The following OSBPL1A variants were observed in gnomAD, a reference collection of about 807,000 sequenced individuals.
OSBPL1A encodes the protein oxysterol-binding protein-related protein 1.
In OSBPL1A, 80 loss-of-function variants were observed where a neutral mutation model predicts 137.1. That is an observed-to-expected ratio of 0.58 (90% CI 0.49 to 0.70). OSBPL1A has a LOEUF of 0.70. Ranked by LOEUF, OSBPL1A falls within the 30% of genes least tolerant of loss-of-function variation. OSBPL1A has a pLI of 0.00. For synonymous variants in OSBPL1A, 365 were observed against 389.7 expected, an observed-to-expected ratio of 0.94 and a Z score of 0.75; for missense variants, 970 against 1,129.4, an observed-to-expected ratio of 0.86 and a Z score of 2.02.
intron 7 of OSBPL1A, among the ~76,000 whole-genome samples, chr18:24,322,089 T>G (rs868207912): frequency 3.4e-5 from 5 of 148,230 alleles, no homozygotes; most frequent in Admixed American, 1.4e-4. Context: ...ATTTTTAACA[T>G]AGAGAGAAAT....
chr18:24,389,450 G>A (rs936076643), intron 1 of OSBPL1A, among the ~76,000 whole-genome samples: 6 of 152,088 alleles, frequency 3.9e-5, no homozygotes, highest in African/African-American at 1.2e-4. Context: ...TTAAACTGGT[G>A]ACCATACTTG....
At chr18:24,218,552 T>G (rs2087781319) in intron 17 of OSBPL1A, 2 of 152,444 alleles carry the variant, frequency 1.3e-5, no homozygotes, top group Admixed American at 1.3e-4. Context: ...CAAGCGATTC[T>G]CCCACCTCAG....
intron 25 of OSBPL1A, 86 bp from the exon 26 acceptor site, chr18:24,166,788 G>C: frequency 7.5e-7 from 1 of 1,325,858 alleles, no homozygotes; most frequent in South Asian, 1.4e-5. Flanking sequence ...GGGTTGACTT[G>C]ACAATGACCC....
intron 5 of OSBPL1A, among the ~76,000 whole-genome samples, chr18:24,339,937 G>A (rs2091245640): frequency 6.6e-6 from 1 of 152,082 alleles, no homozygotes; most frequent in Non-Finnish European, 1.5e-5. Flanking sequence ...ACTAATCGGG[G>A]TAATAAACAG....
chr18:24,187,933 A>AT lies in OSBPL1A; in HGVS notation c.1678-6655dup, dbSNP rs1198509887. Among the ~76,000 whole-genome samples, 4 of 152,332 alleles carry AT rather than the reference A, an allele frequency of 2.6e-5. No individual in the cohort carries two copies. In the East Asian group the frequency reaches 7.7e-4, roughly 29 times the overall value. On this transcript the variant is annotated intron_variant, in intron 18 of 27. Coordinates refer to ENST00000319481, the MANE Select transcript of OSBPL1A (RefSeq NM_080597.4). ...GCCAGTAGGTGACACAGGCTATGCC[A>AT]TTTCTGGCTCAGCTCCCTTCCTGTT...
chr18:24,271,148 C>T lies in OSBPL1A; in HGVS notation c.1281+9694G>A, dbSNP rs2089708284. ...AGAATTTCCCTTTCTCTCCTTAATC[C>T]GCTCATGCACTTCTCGTATTCTTGG... is the stretch of plus-strand genomic sequence containing the variant. On this transcript the variant is annotated intron_variant, in intron 15 of 27. Coordinates refer to ENST00000319481, the MANE Select transcript of OSBPL1A (RefSeq NM_080597.4). This position sits in a 1 kb window ranked among gnomAD's most constrained non-coding sequence, Gnocchi z 4.0. Among the ~76,000 whole-genome samples, 1 of 152,212 alleles carries T rather than the reference C, an allele frequency of 6.6e-6. No individual in the cohort carries two copies. Among genetic ancestry groups the T allele is most frequent in the Non-Finnish European group, 1.5e-5 (1 of 68,042 alleles).
At chr18:24,390,694 CAAAAAAA>C (rs751432894) in intron 1 of OSBPL1A, among the ~76,000 whole-genome samples, 42 of 56,198 alleles carry the variant, frequency 7.5e-4, no homozygotes, top group African/African-American at 2.0e-3. Context: ...GACTCCGTCT[CAAAAAAA>C]AAAAAAAAAA....
intron 3 of OSBPL1A, chr18:24,367,469 C>T (rs1368734838): frequency 1.4e-5 from 2 of 146,968 alleles, no homozygotes; most frequent in African/African-American, 2.5e-5. Context: ...TGGTGAAAGT[C>T]CGTCTCTACA....
intron 4 of OSBPL1A, among the ~76,000 whole-genome samples, chr18:24,349,989 A>G (rs931372519): frequency 2.6e-5 from 4 of 152,244 alleles, no homozygotes; most frequent in Non-Finnish European, 5.9e-5. Context: ...CAGGTTTAAA[A>G]GTCTAAAGGT....
At chr18:24,393,516 G>A (rs1373573816) in intron 1 of OSBPL1A, among the ~76,000 whole-genome samples, 6 of 151,988 alleles carry the variant, frequency 3.9e-5, no homozygotes, top group African/African-American at 9.7e-5. Flanking sequence ...GCAGTGGCAC[G>A]ATCTCCGCTC....
intron 17 of OSBPL1A, 91 bp downstream of exon 17, chr18:24,224,950 GA>G: frequency 2.0e-6 from 3 of 1,520,170 alleles, no homozygotes; most frequent in Non-Finnish European, 2.7e-6. Flanking sequence ...CCTACACGGG[GA>G]AAAATGAAGA....
intron 24 of OSBPL1A, among the ~76,000 whole-genome samples, chr18:24,167,666 T>C (rs542252351): frequency 6.6e-6 from 1 of 152,336 alleles, no homozygotes; most frequent in African/African-American, 2.4e-5. Context: ...GTTAGGACTT[T>C]TGGCTTTCCA....
rs530811230 is a variant in OSBPL1A at position 24,342,435 on chromosome 18, G to T, written c.283-777C>A. Among the ~76,000 whole-genome samples, 4 of 152,274 alleles carry T rather than the reference G, an allele frequency of 2.6e-5. No homozygotes were observed. In the South Asian group the frequency reaches 8.3e-4, roughly 32 times the overall value. On this transcript the variant is annotated intron_variant, in intron 4 of 27. Coordinates refer to ENST00000319481, the MANE Select transcript of OSBPL1A (RefSeq NM_080597.4). ...TATGATACACAACACCTAGGGAGGG[G>T]ATGATGGCAATGCTTGCTCTTCAGT...
At chr18:24,204,031 C>T (rs777883659) in intron 17 of OSBPL1A, among the ~76,000 whole-genome samples, 2 of 152,152 alleles carry the variant, frequency 1.3e-5, no homozygotes, top group Non-Finnish European at 2.9e-5. Context: ...AATCTGATGC[C>T]TTCATTTTAA....
intron 16 of OSBPL1A, among the ~76,000 whole-genome samples, chr18:24,225,531 G>T (rs1375594890): frequency 6.6e-6 from 1 of 152,084 alleles, no homozygotes; most frequent in African/African-American, 2.4e-5. Context: ...CCCTCACAAA[G>T]CATCTTAAGT....
At chr18:24,345,124 A>G (rs2091324453) in intron 4 of OSBPL1A, among the ~76,000 whole-genome samples, 2 of 151,774 alleles carry the variant, frequency 1.3e-5, no homozygotes, top group African/African-American at 4.8e-5. Flanking sequence ...AGCTGAGAAG[A>G]ATGTTTAAAA....
At chr18:24,321,332 C>A (rs954455933) in intron 7 of OSBPL1A, among the ~76,000 whole-genome samples, 1 of 152,182 alleles carries the variant, frequency 6.6e-6, no homozygotes, top group Non-Finnish European at 1.5e-5. Context: ...CCCCAACTTA[C>A]AACAGTTCAA....
chr18:24,332,979 T>TA lies in OSBPL1A; in HGVS notation c.587dup (p.Arg197LysfsTer7), dbSNP rs1342465880. On this transcript the variant is annotated frameshift_variant, in exon 7 of 28. Transcript: ENST00000319481. LOFTEE classifies it high-confidence loss of function. Reference sequence around the variant, plus strand: ...TCAGATTAGGGTCTGCTCCACTTCTTAGAAGCTTTAAGGCACATTGTTTAT... The same window carrying TA: ...TCAGATTAGGGTCTGCTCCACTTCTTAAGAAGCTTTAAGGCACATTGTTTAT... 13 of 1,614,210 alleles carry TA rather than the reference T, an allele frequency of 8.1e-6. No individual in the cohort carries two copies. The highest frequency in any genetic ancestry group is 1.1e-5 in the Non-Finnish European group (13 of 1,180,040).
At chr18:24,242,353 G>GA (rs1294822534) in intron 15 of OSBPL1A, among the ~76,000 whole-genome samples, 1 of 150,096 alleles carries the variant, frequency 6.7e-6, no homozygotes, top group Non-Finnish European at 1.5e-5. Flanking sequence ...AAAAAAGAAA[G>GA]AAAGAAAAGA....
Sources: gnomAD v4.1 joint callset for allele counts (sites outside exome capture counted in the v4.1 genomes callset) on GRCh38, gnomAD v4.1.1 for gene constraint, Gnocchi (gnomAD v3.1) non-coding constraint, MANE v1.5 for transcripts, NCBI Gene and HGNC (gene_info 2026-07-23, HGNC 2026-07-21) for gene names.